Variants in CNBP observed in about 807,000 individuals in gnomAD.
CNBP encodes CCHC-type zinc finger nucleic acid binding protein, also known as cellular nucleic acid-binding protein.
Under a neutral mutation model 21.2 loss-of-function variants are expected in CNBP, and 6 were observed. The ratio of observed to expected loss-of-function variants is 0.28; its 90% confidence interval spans 0.16 to 0.56. CNBP has a LOEUF of 0.56. CNBP is among the 20% of genes least tolerant of loss of function. The pLI is 0.93. For synonymous variants in CNBP, 61 were observed against 74.9 expected (o/e 0.81, Z 0.96); for missense variants, 112 against 233.1 (o/e 0.48, Z 3.38).
At chr3:129,175,368 T>C (rs1004034101) in intron 1 of CNBP, among the ~76,000 whole-genome samples, 3 of 150,824 alleles carry the variant, frequency 2.0e-5, no homozygotes, top group African/African-American at 4.9e-5. Flanking sequence ...AAAACAGATA[T>C]GCATCTCAGT....
chr3:129,179,870 G>A (rs1938171669), intron 1 of CNBP, among the ~76,000 whole-genome samples: 1 of 152,144 alleles, frequency 6.6e-6, no homozygotes, highest in Non-Finnish European at 1.5e-5. Context: ...GCCGGGCGTG[G>A]TGGCACACGC....
rs1246894639 is a variant in CNBP at position 129,170,403 on chromosome 3, AAAT to A, written c.*47_*49del. The A allele has an allele frequency of 6.7e-7, 1 of 1,493,034 alleles. No individual in the cohort carries two copies. The highest frequency in any genetic ancestry group is 2.3e-5 in the East Asian group (1 of 44,318). The allele number at this position is 1,493,034 out of a possible 1,614,324, so 92.5% of individuals were successfully genotyped here. ...TTGGCCAGTGAAGAGGATTCAGAGAAAATAATACAACCATCAATCAGAAAAAGG... is the reference window on the plus strand; with the variant it reads ...TTGGCCAGTGAAGAGGATTCAGAGAAAATACAACCATCAATCAGAAAAAGG... On this transcript the variant is annotated 3_prime_UTR_variant, in exon 5 of 5. Transcript: ENST00000422453.
chr3:129,175,432 CT>C (rs369005126), intron 1 of CNBP, among the ~76,000 whole-genome samples: 1,532 of 122,060 alleles, frequency 0.013, 14 homozygotes, highest in African/African-American at 0.039. Flanking sequence ...AGATGTTTTG[CT>C]TTTTTTTTTT....
At chr3:129,177,472 T>C (rs1937988301) in intron 1 of CNBP, among the ~76,000 whole-genome samples, 1 of 152,246 alleles carries the variant, frequency 6.6e-6, no homozygotes, top group African/African-American at 2.4e-5. Flanking sequence ...GTGGTAAGAA[T>C]TGTTACCTTG....
intron 1 of CNBP, among the ~76,000 whole-genome samples, 190 bp downstream of exon 1, chr3:129,183,586 C>G (rs1179097037): frequency 6.6e-6 from 1 of 152,264 alleles, no homozygotes; most frequent in Non-Finnish European, 1.5e-5. Flanking sequence ...GAAGTGTCGT[C>G]CGACAGCGGT....
At position 129,170,289 on chromosome 3, in the gene CNBP, G is replaced by A; in HGVS notation, c.*164C>T. On this transcript the variant is annotated 3_prime_UTR_variant, in exon 5 of 5. Transcript: ENST00000422453. ...ACATAAACTTTTTTTGTAGTTAAAT[G>A]CAGAAAGTCGGTTTTTTTCCACCCC... 3 of 631,542 alleles carry A rather than the reference G, an allele frequency of 4.8e-6. No individual in the cohort carries two copies. The highest frequency in any genetic ancestry group is 8.5e-6 in the Non-Finnish European group (3 of 352,608). 39.1% of individuals were successfully genotyped at this position (631,542 alleles called of 1,614,324 possible).
rs56362378 is a variant in CNBP, at chr3:129,172,644, G to C, written c.-14-873C>G. Among the ~76,000 whole-genome samples, 33 of 111,902 alleles carry C rather than the reference G, an allele frequency of 2.9e-4. 1 individual carries two copies. The highest frequency in any genetic ancestry group is 1.1e-3 in the African/African-American group (29 of 25,248). 73.4% of individuals were successfully genotyped at this position (111,902 alleles called of 152,430 possible). ...GGCAGCCAGGCAGGCAGGCAGGCAGGCAGGCAGGCAGGCAGACAGACAGAC... is the reference window on the plus strand; with the variant it reads ...GGCAGCCAGGCAGGCAGGCAGGCAGCCAGGCAGGCAGGCAGACAGACAGAC... On this transcript the variant is annotated intron_variant, in intron 1 of 4. Coordinates refer to ENST00000422453, the MANE Select transcript of CNBP (RefSeq NM_003418.5).
At position 129,168,896 on chromosome 3, in the gene CNBP, A is replaced by C. The variant is rs879288935; in HGVS notation, c.*1557T>G. On this transcript the variant is annotated 3_prime_UTR_variant, in exon 5 of 5. Coordinates refer to ENST00000422453, the MANE Select transcript of CNBP (RefSeq NM_003418.5). ...CGGATCACGAGGTCAGGAGATTGAGACCATCCTGGCTAACACCGTGAAACC... is the reference window on the plus strand; with the variant it reads ...CGGATCACGAGGTCAGGAGATTGAGCCCATCCTGGCTAACACCGTGAAACC... Among the ~76,000 whole-genome samples, 2 of 151,180 alleles carry C rather than the reference A, an allele frequency of 1.3e-5. No homozygotes were observed. The highest frequency in any genetic ancestry group is 2.9e-5 in the Non-Finnish European group (2 of 67,866).
intron 1 of CNBP, among the ~76,000 whole-genome samples, chr3:129,174,814 A>G (rs765120651): frequency 1.3e-5 from 2 of 152,212 alleles, no homozygotes; most frequent in African/African-American, 2.4e-5. Context: ...TTGCACATAA[A>G]TGATTACTTT....
intron 1 of CNBP, among the ~76,000 whole-genome samples, chr3:129,174,889 C>T (rs1053887005): frequency 3.3e-5 from 5 of 151,890 alleles, no homozygotes; most frequent in African/African-American, 1.2e-4. Flanking sequence ...AAACAAGATA[C>T]ATCTCTTTTA....
chr3:129,170,602 G>A (rs370756483), intron 4 of CNBP, 32 bp from the exon 5 acceptor site: 2 of 1,565,740 alleles, frequency 1.3e-6, no homozygotes, highest in East Asian at 2.2e-5. Context: ...TTCACAATGG[G>A]CCTCAGAAAA....
Position 129,171,916 on chromosome 3 carries a change from A to C in CNBP, c.-14-145T>G. The C allele has an allele frequency of 3.3e-6, 3 of 907,830 alleles. No homozygotes were observed. The South Asian group carries it at 5.5e-5, about 17-fold the overall frequency. The allele number at this position is 907,830 out of a possible 1,614,324, so 56.2% of individuals were successfully genotyped here. ...AAAAAATAGCTGGGCATGGTGGCTC[A>C]CGCCAGTAATCCCATCACTTTGGGA... On this transcript the variant is annotated intron_variant, in intron 1 of 4. Transcript: ENST00000422453.
At chr3:129,172,480 G>A (rs1293257341) in intron 1 of CNBP, among the ~76,000 whole-genome samples, 2 of 152,194 alleles carry the variant, frequency 1.3e-5, no homozygotes, top group African/African-American at 4.8e-5. Context: ...TACTCAGGAG[G>A]CTGAGGCAGA....
chr3:129,183,266 GC>G (rs1938440627), intron 1 of CNBP, among the ~76,000 whole-genome samples: 1 of 151,996 alleles, frequency 6.6e-6, no homozygotes, highest in Admixed American at 6.6e-5. Context: ...CTTTTCTAAG[GC>G]CCCCAAAACC....
chr3:129,175,907 C>A (rs1160675000), intron 1 of CNBP, among the ~76,000 whole-genome samples: 1 of 152,156 alleles, frequency 6.6e-6, no homozygotes, highest in Non-Finnish European at 1.5e-5. Flanking sequence ...GCAATCTGCC[C>A]TCTCCTCCCT....
chr3:129,180,449 C>A (rs753409710), intron 1 of CNBP, among the ~76,000 whole-genome samples: 34 of 152,210 alleles, frequency 2.2e-4, no homozygotes, highest in Admixed American at 9.2e-4. Flanking sequence ...TGGAGCCATT[C>A]CAGGTGATCA....
intron 1 of CNBP, among the ~76,000 whole-genome samples, chr3:129,180,409 C>G (rs1938214290): frequency 6.6e-6 from 1 of 152,216 alleles, no homozygotes; most frequent in South Asian, 2.1e-4. Flanking sequence ...TGGCAACTTG[C>G]TTCACTAGTT....
intron 1 of CNBP, among the ~76,000 whole-genome samples, chr3:129,178,157 T>TC (rs1938046377): frequency 1.0e-4 from 2 of 19,424 alleles, no homozygotes; most frequent in Non-Finnish European, 2.3e-4. Context: ...AGACTCTGTC[T>TC]CAAAAAAAAA....
rs1227524420 is a variant in CNBP at position 129,172,644 on chromosome 3, GCAGGCAGGCAGGCAGACAGA to G, written c.-14-893_-14-874del. Among the ~76,000 whole-genome samples, 661 of 111,566 alleles carry G rather than the reference GCAGGCAGGCAGGCAGACAGA, an allele frequency of 5.9e-3. 3 individuals carry two copies. The highest frequency in any genetic ancestry group is 0.013 in the Middle Eastern group (3 of 234). The allele number at this position is 111,566 out of a possible 152,430, so 73.2% of individuals were successfully genotyped here. A position where few individuals can be genotyped will look rare whatever the true frequency, so the allele number is the denominator to read the frequency against. On this transcript the variant is annotated intron_variant, in intron 1 of 4. Coordinates refer to ENST00000422453, the MANE Select transcript of CNBP (RefSeq NM_003418.5). ...GGCAGCCAGGCAGGCAGGCAGGCAG[GCAGGCAGGCAGGCAGACAGA>G]CAGACAGACAGACAGACAGACAGAC...
Sources: gnomAD v4.1 joint callset for allele counts (sites outside exome capture counted in the v4.1 genomes callset) on GRCh38, gnomAD v4.1.1 for gene constraint, MANE v1.5 for transcripts, NCBI Gene and HGNC (gene_info 2026-07-23, HGNC 2026-07-21) for gene names.